Variants in LRRCC1 observed in about 807,000 individuals in gnomAD.
LRRCC1 encodes leucine-rich repeat and coiled-coil domain-containing protein 1.
A neutral mutation model predicts 126.0 loss-of-function variants in LRRCC1; 115 were observed. The ratio of observed to expected loss-of-function variants is 0.91; its 90% CI spans 0.78 to 1.07. The LOEUF (loss-of-function observed/expected upper bound fraction) is 1.07, where lower values mean the gene tolerates loss of function less well. Among genes scored for constraint, LRRCC1 ranks in the 50% least tolerant of loss-of-function variants. LRRCC1 has a pLI of 0.00. For synonymous variants in LRRCC1, 400 were observed against 393.4 expected, an observed-to-expected ratio of 1.02 and a Z score of -0.20; for missense variants, 1,172 against 1,175.7, an observed-to-expected ratio of 1.00 and a Z score of 0.05.
intron 3 of LRRCC1, among the ~76,000 whole-genome samples, chr8:85,111,229 T>G (rs1370718692): frequency 6.6e-6 from 1 of 152,018 alleles, no homozygotes; most frequent in Non-Finnish European, 1.5e-5. Context: ...AATACAAGAT[T>G]AGCCGGACAT....
In LRRCC1 at chr8:85,132,375, C is replaced by CTTTT. The variant is rs551423793; in HGVS notation, c.1968+439_1968+442dup. On this transcript the variant is annotated intron_variant, in intron 12 of 18. Transcript: ENST00000360375. Reference sequence around the variant, plus strand: ...TTACAAAAGCACAGTTGAGTACTTTCTTTTTTTTTTTTTTTTTTTTTTTTT... The same window carrying CTTTT: ...TTACAAAAGCACAGTTGAGTACTTTCTTTTTTTTTTTTTTTTTTTTTTTTTTTTT... Among the ~76,000 whole-genome samples, 615 of 109,916 alleles carry CTTTT rather than the reference C, an allele frequency of 5.6e-3. 4 individuals are homozygous for CTTTT. Among genetic ancestry groups the CTTTT allele is most frequent in the East Asian group, 0.012 (45 of 3,610 alleles). 72.1% of individuals were successfully genotyped at this position (109,916 alleles called of 152,430 possible).
intron 18 of LRRCC1, among the ~76,000 whole-genome samples, chr8:85,143,056 G>A (rs915486066): frequency 1.3e-5 from 2 of 152,090 alleles, no homozygotes; most frequent in African/African-American, 2.4e-5. Context: ...TGGGTGCAGT[G>A]TCTCATGCCT....
Position 85,134,922 on chromosome 8 carries a change from GAAAAT to G in LRRCC1, c.2045_2049del (p.Glu682GlyfsTer7). ...TGCTCTTATTTGGGCTCAACGAAAA[GAAAAT>G]GAGTCTTCCTCTTTAATTAAAGATC... is the stretch of plus-strand genomic sequence containing the variant. On this transcript the variant is annotated frameshift_variant, in exon 13 of 19. Transcript: ENST00000360375. LOFTEE classifies it high-confidence loss of function. 6.3e-7 allele frequency: 1 copy of G among 1,596,942 alleles called. No homozygotes were observed. The highest frequency in any genetic ancestry group is 8.5e-7 in the Non-Finnish European group (1 of 1,176,510).
intron 3 of LRRCC1, among the ~76,000 whole-genome samples, chr8:85,111,631 C>A (rs1356640844): frequency 2.0e-5 from 3 of 151,858 alleles, no homozygotes; most frequent in Admixed American, 2.0e-4. Flanking sequence ...CCCAAAAAAT[C>A]AGCAAAAGAT....
chr8:85,138,463 T>C lies in LRRCC1; in HGVS notation c.2828T>C (p.Ile943Thr), dbSNP rs1408977425. 9.9e-6 allele frequency: 16 copies of C among 1,609,982 alleles called. No homozygotes were observed. Among genetic ancestry groups the C allele is most frequent in the South Asian group, 3.3e-5 (3 of 90,068 alleles). ...CTTAAAGCGGAAAGAGACAAAAGTA[T>C]TGAACTACAAAAGTAAGCATTAGGT... is the stretch of plus-strand genomic sequence containing the variant. ...KKLKAERDKS[I>T]ELQKNAMEKL... Residue 943 changes from isoleucine to threonine, a missense_variant, in exon 17 of 19, where the codon ATT (isoleucine) becomes ACT (threonine). Physicochemically the swap from Ile to Thr is moderately conservative, Grantham distance 89 (BLOSUM62 -1). Coordinates refer to ENST00000360375, the MANE Select transcript of LRRCC1 (RefSeq NM_033402.5).
At chr8:85,135,762 C>CT (rs749564321) in intron 13 of LRRCC1, 27 bp from the exon 14 acceptor site, 4 of 1,237,626 alleles carry the variant, frequency 3.2e-6, no homozygotes, top group African/African-American at 4.6e-5. Flanking sequence ...TATAATAATT[C>CT]TTATTTTTTT....
At chr8:85,126,032 A>G (rs1809969849) in intron 8 of LRRCC1, among the ~76,000 whole-genome samples, 1 of 151,956 alleles carries the variant, frequency 6.6e-6, no homozygotes, top group South Asian at 2.1e-4. Flanking sequence ...CCCCCGCCCC[A>G]AGTTTGTTCG....
chr8:85,123,696 C>T (rs1176317872), intron 7 of LRRCC1, 90 bp downstream of exon 7: 7 of 975,646 alleles, frequency 7.2e-6, no homozygotes, highest in Non-Finnish European at 1.0e-5. Context: ...ATATTTGTTA[C>T]TTTACTAATG....
chr8:85,124,632 C>A (rs575584257), intron 7 of LRRCC1, among the ~76,000 whole-genome samples, 160 bp from the exon 8 acceptor site: 1 of 151,996 alleles, frequency 6.6e-6, no homozygotes, highest in Non-Finnish European at 1.5e-5. Flanking sequence ...ACAGAGCACA[C>A]CCATTATAAA....
intron 18 of LRRCC1, among the ~76,000 whole-genome samples, chr8:85,142,849 A>ATT (rs1335617708): frequency 1.3e-5 from 1 of 78,584 alleles, no homozygotes; most frequent in Non-Finnish European, 2.9e-5. Flanking sequence ...AAAAAAAAAG[A>ATT]AAAGAAAAGA....
intron 6 of LRRCC1, among the ~76,000 whole-genome samples, chr8:85,123,165 C>G (rs1211512302): frequency 6.6e-6 from 1 of 152,118 alleles, no homozygotes; most frequent in African/African-American, 2.4e-5. Context: ...CTTTATAAGG[C>G]CTTCAAGTAG....
chr8:85,115,969 A>G (rs1258286687), intron 6 of LRRCC1, among the ~76,000 whole-genome samples: 2 of 152,246 alleles, frequency 1.3e-5, no homozygotes, highest in African/African-American at 4.8e-5. Context: ...TTAATGGTCA[A>G]AATCACTTCT....
At chr8:85,112,889 A>G (rs1307356235) in intron 3 of LRRCC1, 43 bp from the exon 4 acceptor site, 2 of 1,402,850 alleles carry the variant, frequency 1.4e-6, no homozygotes, top group East Asian at 4.8e-5. Context: ...GCTATTGGAA[A>G]GACTATTGCT....
chr8:85,145,313 C>A, intron 18 of LRRCC1, 76 bp from the exon 19 acceptor site: 1 of 1,147,266 alleles, frequency 8.7e-7, no homozygotes, highest in Non-Finnish European at 1.2e-6. Flanking sequence ...AAATTTTGGA[C>A]CTTTTCTTTC....
Position 85,138,057 on chromosome 8 carries a change from A to T in LRRCC1, c.2516A>T (p.His839Leu). The change falls in exon 16 of 19, where the codon CAC (histidine) becomes CTC (leucine). Residue 839 changes from histidine (H) to leucine (L), a missense_variant. His to Leu is a moderately conservative substitution (Grantham distance 99, BLOSUM62 -3). Coordinates refer to ENST00000360375, the MANE Select transcript of LRRCC1 (RefSeq NM_033402.5). Reference sequence around the variant, plus strand: ...AAGTGTTTACAAGAAAAAGATGAACACATCAAAAGATTACAAGAAAAGATC... The same window carrying T: ...AAGTGTTTACAAGAAAAAGATGAACTCATCAAAAGATTACAAGAAAAGATC... ...LKDCLQEKDEHIKRLQEKITE... is the reference protein window; with the variant it reads ...LKDCLQEKDELIKRLQEKITE... 1.3e-6 allele frequency: 2 copies of T among 1,569,254 alleles called. No homozygotes were observed. Among genetic ancestry groups the T allele is most frequent in the East Asian group, 2.3e-5 (1 of 44,400 alleles).
chr8:85,109,922 C>A, intron 2 of LRRCC1, 122 bp downstream of exon 2: 2 of 631,394 alleles, frequency 3.2e-6, no homozygotes, highest in Non-Finnish European at 5.2e-6. Context: ...ACTCATTATA[C>A]AAAATATTTT....
chr8:85,145,381 C>A lies in LRRCC1; in HGVS notation c.2977-8C>A. The A allele has an allele frequency of 6.9e-7, 1 of 1,454,904 alleles. No homozygotes were observed. The highest frequency in any genetic ancestry group is 1.6e-5 in the South Asian group (1 of 64,058). 90.1% of individuals were successfully genotyped at this position (1,454,904 alleles called of 1,614,324 possible). A position where few individuals can be genotyped will look rare whatever the true frequency, so the allele number is the denominator to read the frequency against. ...AAATTAAAATGTAAAATTTACATGTCGATTTAGGTCCATCAAATTGAAAAA... is the reference window on the plus strand; with the variant it reads ...AAATTAAAATGTAAAATTTACATGTAGATTTAGGTCCATCAAATTGAAAAA... On this transcript the variant is annotated splice_polypyrimidine_tract_variant and splice_region_variant and intron_variant, in intron 18 of 18. Transcript: ENST00000360375.
intron 9 of LRRCC1, among the ~76,000 whole-genome samples, chr8:85,128,432 C>CCCCACCACCACATGTTG (rs1810183532): frequency 1.5e-5 from 2 of 135,644 alleles, no homozygotes; most frequent in African/African-American, 5.4e-5. Context: ...CCCCCACCCC[C>CCCCACCACCACATGTTG]CCCACCACCA....
Position 85,107,347 on chromosome 8 carries a change from G to A in LRRCC1, c.52G>A (p.Asp18Asn), listed in dbSNP as rs775187457. 2 of 1,613,862 alleles carry A rather than the reference G, an allele frequency of 1.2e-6. No homozygotes were observed. Among genetic ancestry groups the A allele is most frequent in the Non-Finnish European group, 1.7e-6 (2 of 1,179,834 alleles). The change falls in exon 1 of 19, where the codon GAC becomes AAC. Residue 18 changes from aspartate (D) to asparagine (N), a missense_variant. Asp to Asn is a conservative substitution (Grantham distance 23, BLOSUM62 1). Transcript: ENST00000360375. ...GGCAGAGGCGGAAGTGGAAAACGAA[G>A]ACGGCGACAGCAGCTGCGGGGATGT... ...VAAEAEVENE[D>N]GDSSCGDVCF...
Sources: gnomAD v4.1 joint callset for allele counts (sites outside exome capture counted in the v4.1 genomes callset) on GRCh38, gnomAD v4.1.1 for gene constraint, MANE v1.5 for transcripts, NCBI Gene and HGNC (gene_info 2026-07-23, HGNC 2026-07-21) for gene names.